The following TRPC4 variants were observed in gnomAD, a reference collection of about 807,000 sequenced individuals.
TRPC4 encodes short transient receptor potential channel 4.
A neutral mutation model predicts 99.4 loss-of-function variants in TRPC4; 49 were observed. The observed-to-expected ratio is 0.49, with a 90% confidence interval of 0.39 to 0.63. TRPC4 has a LOEUF of 0.63. Among genes scored for constraint, TRPC4 ranks in the 20% least tolerant of loss-of-function variants. TRPC4 has a pLI of 0.00. For synonymous variants in TRPC4, 454 were observed against 425.9 expected, an observed-to-expected ratio of 1.07 and a Z score of -0.81; for missense variants, 898 against 1,152.9, an observed-to-expected ratio of 0.78 and a Z score of 3.20.
intron 1 of TRPC4, among the ~76,000 whole-genome samples, chr13:37,826,151 T>C (rs1246412200): frequency 1.3e-4 from 15 of 119,314 alleles, no homozygotes; most frequent in South Asian, 5.9e-4. Context: ...TCCTTTTATT[T>C]TGAGCCTATG....
intron 4 of TRPC4, among the ~76,000 whole-genome samples, chr13:37,677,554 G>A (rs924904865): frequency 6.6e-6 from 1 of 151,990 alleles, no homozygotes; most frequent in Admixed American, 6.6e-5. Flanking sequence ...AATGTTACTA[G>A]GTATATAGAG....
Position 37,744,158 on chromosome 13 carries a change from C to T in TRPC4, c.897+1779G>A, listed in dbSNP as rs76934877. ...ATCATCGTGTCGATTCTTTAAACCC[C>T]CTTCTCCAAAGAAAAACTAAAGAAA... On this transcript the variant is annotated intron_variant, in intron 3 of 10. Coordinates refer to ENST00000379705, the MANE Select transcript of TRPC4 (RefSeq NM_016179.4). Among the ~76,000 whole-genome samples, 307 of 152,214 alleles carry T rather than the reference C, an allele frequency of 2.0e-3. 7 individuals carry two copies. In the East Asian group the frequency reaches 0.057, roughly 28 times the overall value.
At chr13:37,730,438 C>T (rs1449444296) in intron 3 of TRPC4, among the ~76,000 whole-genome samples, 1 of 151,636 alleles carries the variant, frequency 6.6e-6, no homozygotes, top group Non-Finnish European at 1.5e-5. Flanking sequence ...TGATAATTTC[C>T]AAAAAAATTA....
chr13:37,672,917 A>G (rs1952903582), intron 5 of TRPC4, among the ~76,000 whole-genome samples: 1 of 152,214 alleles, frequency 6.6e-6, no homozygotes, highest in Admixed American at 6.5e-5. Context: ...GCATTTTAAC[A>G]GAAAACTATG....
chr13:37,687,118 C>T (rs2138849755), intron 4 of TRPC4, among the ~76,000 whole-genome samples: 1 of 152,126 alleles, frequency 6.6e-6, no homozygotes, highest in African/African-American at 2.4e-5. Flanking sequence ...GTGCCTGCCA[C>T]CATGCCTGGC....
At chr13:37,643,319 C>T (rs1268963159) in intron 8 of TRPC4, among the ~76,000 whole-genome samples, 1 of 152,116 alleles carries the variant, frequency 6.6e-6, no homozygotes, top group Non-Finnish European at 1.5e-5. Flanking sequence ...ACACTTTTGC[C>T]CTTAAATGGC....
intron 3 of TRPC4, among the ~76,000 whole-genome samples, chr13:37,738,397 A>G (rs117939865): frequency 0.01 from 1,524 of 152,246 alleles, 13 homozygotes; most frequent in South Asian, 0.03. Context: ...TTTGGGACCC[A>G]TTGTCTTCTC....
intron 5 of TRPC4, among the ~76,000 whole-genome samples, chr13:37,671,344 A>G (rs1436892486): frequency 6.6e-6 from 1 of 152,194 alleles, no homozygotes; most frequent in Non-Finnish European, 1.5e-5. Flanking sequence ...ACAGGCCCCC[A>G]GAGTGAGTAC....
At chr13:37,750,822 C>T (rs1292382112) in intron 2 of TRPC4, among the ~76,000 whole-genome samples, 5 of 152,010 alleles carry the variant, frequency 3.3e-5, no homozygotes, top group East Asian at 3.9e-4. Context: ...CGACAGGCCC[C>T]GGTGTGTGAT....
At chr13:37,787,914 T>G (rs1016195312) in intron 1 of TRPC4, among the ~76,000 whole-genome samples, 6 of 152,076 alleles carry the variant, frequency 3.9e-5, no homozygotes, top group Non-Finnish European at 5.9e-5. Flanking sequence ...TAATTTTATT[T>G]TCTCATCTTC....
chr13:37,832,005 A>G (rs1248807708), intron 1 of TRPC4, among the ~76,000 whole-genome samples: 1 of 152,172 alleles, frequency 6.6e-6, no homozygotes, highest in Non-Finnish European at 1.5e-5. Flanking sequence ...AATGTGTTGT[A>G]TATTTCAAAA....
chr13:37,650,606 T>A (rs1196643831), intron 8 of TRPC4, among the ~76,000 whole-genome samples: 7 of 54,584 alleles, frequency 1.3e-4, no homozygotes, highest in South Asian at 8.9e-4. Flanking sequence ...TCTCTCTCTC[T>A]CTCTATACAC....
At position 37,692,180 on chromosome 13, in the gene TRPC4, G is replaced by T. The variant is rs776176510; in HGVS notation, c.1053C>A (p.Pro351=). ...PVFSVCYLIA[P]KSPLGLFIRK... is the part of the protein sequence containing the mutation. ...TGATGAACAGTCCAAGTGGGCTTTT[G>T]GGAGCTATCAGGTAGCACACAGAGA... Residue 351 remains proline, a synonymous_variant, in exon 4 of 11, where the codon CCC becomes CCA. Coordinates refer to ENST00000379705, the MANE Select transcript of TRPC4 (RefSeq NM_016179.4). 1.9e-6 allele frequency: 3 copies of T among 1,614,016 alleles called. No individual in the cohort carries two copies. Among genetic ancestry groups the T allele is most frequent in the Non-Finnish European group, 2.5e-6 (3 of 1,180,014 alleles).
chr13:37,665,947 T>G (rs1022979145), intron 5 of TRPC4, among the ~76,000 whole-genome samples: 1 of 148,858 alleles, frequency 6.7e-6, no homozygotes, highest in Non-Finnish European at 1.5e-5. Context: ...GCACTTCTAG[T>G]CATGGCCAGG....
Position 37,797,796 on chromosome 13 carries a change from T to C in TRPC4, c.-27-14436A>G, listed in dbSNP as rs138175210. 3.3e-5 allele frequency among the ~76,000 whole-genome samples: 5 copies of C among 152,290 alleles called. No individual in the cohort carries two copies. The East Asian group carries it at 7.7e-4, about 24-fold the overall frequency. On this transcript the variant is annotated intron_variant, in intron 1 of 10. Transcript: ENST00000379705. ...CGTAGCAACTTAAAAGACTAGACTT[T>C]TTGGGCAAAGGAATTTTGACAAGTT... is the stretch of plus-strand genomic sequence containing the variant.
In TRPC4 at chr13:37,633,788, G is replaced by A. The variant is rs966405870; in HGVS notation, c.*3115C>T. Among the ~76,000 whole-genome samples the A allele has an allele frequency of 1.3e-5, 2 of 152,014 alleles. No homozygotes were observed. Among genetic ancestry groups the A allele is most frequent in the African/African-American group, 4.8e-5 (2 of 41,422 alleles). ...TCAATTCATGAAACAGATACATTTT[G>A]AGGATGTTTAGCACTTTGAAAAATT... On this transcript the variant is annotated 3_prime_UTR_variant, in exon 11 of 11. Transcript: ENST00000379705.
rs1215067261 is a variant in TRPC4, at chr13:37,710,929, T to C, written c.898-18594A>G. Among the ~76,000 whole-genome samples the C allele has an allele frequency of 9.9e-5, 15 of 152,114 alleles. 1 individual carries two copies. The South Asian group carries it at 3.1e-3, about 31-fold the overall frequency. On this transcript the variant is annotated intron_variant, in intron 3 of 10. Coordinates refer to ENST00000379705, the MANE Select transcript of TRPC4 (RefSeq NM_016179.4). Reference sequence around the variant, plus strand: ...CTTCTGGGGCCTATATGATGCTGTATAATTTGTAATTAGTTATTCTCTCTT... The same window carrying C: ...CTTCTGGGGCCTATATGATGCTGTACAATTTGTAATTAGTTATTCTCTCTT...
chr13:37,816,769 A>G (rs1486432161), intron 1 of TRPC4, among the ~76,000 whole-genome samples: 1 of 152,094 alleles, frequency 6.6e-6, no homozygotes, highest in African/African-American at 2.4e-5. Flanking sequence ...CTAAAGACAA[A>G]AACCACATAA....
intron 2 of TRPC4, among the ~76,000 whole-genome samples, chr13:37,752,075 C>CTATATATATGTG (rs1555266914): frequency 1.4e-5 from 1 of 73,954 alleles, no homozygotes; most frequent in African/African-American, 5.7e-5. Flanking sequence ...AAGCAGAAAA[C>CTATATATATGTG]TATATATATA....
Sources: allele counts gnomAD v4.1 joint callset (sites outside exome capture counted in the v4.1 genomes callset), GRCh38; gene constraint gnomAD v4.1.1; transcripts MANE v1.5; gene names NCBI Gene and HGNC (gene_info 2026-07-23, HGNC 2026-07-21).